Variants in PCDH7 observed in about 807,000 individuals in gnomAD.
PCDH7 encodes protocadherin-7.
Under a neutral mutation model 58.9 loss-of-function variants are expected in PCDH7, and 17 were observed. That is an observed-to-expected ratio of 0.29 (90% CI 0.20 to 0.43). The LOEUF is 0.43. PCDH7 is among the 20% of genes least tolerant of loss of function. The pLI, the probability that PCDH7 is intolerant of heterozygous loss-of-function variation, is 1.00. For missense variants in PCDH7, 1,274 were observed against 1,441.0 expected (o/e 0.88, Z 1.88); for synonymous variants, 664 against 616.4 (o/e 1.08, Z -1.14).
chr4:31,042,616 G>A (rs1436830955), intron 3 of PCDH7, among the ~76,000 whole-genome samples: 1 of 152,020 alleles, frequency 6.6e-6, no homozygotes, highest in Non-Finnish European at 1.5e-5. Flanking sequence ...ATTAGATATC[G>A]AAGTCAAACT....
intron 3 of PCDH7, among the ~76,000 whole-genome samples, chr4:31,096,912 T>C (rs892362109): frequency 3.3e-5 from 3 of 91,394 alleles, no homozygotes; most frequent in African/African-American, 1.8e-4. Context: ...ATTCCTTGTT[T>C]GTGTGTGTGT....
chr4:30,783,124 C>T (rs1723000809), intron 1 of PCDH7: 1 of 152,120 alleles, frequency 6.6e-6, no homozygotes, highest in African/African-American at 2.4e-5. Context: ...TCATAGTCCT[C>T]CACTTTCCTA....
downstream of PCDH7, among the ~76,000 whole-genome samples, chr4:30,736,538 T>TA (rs112519992): frequency 0.032 from 3,620 of 114,560 alleles, 144 homozygotes; most frequent in African/African-American, 0.088. Flanking sequence ...TTCATTTATT[T>TA]TTTTTTTTTT....
chr4:30,768,337 C>CATACATCTTCCAAGTAGTA (rs1721003169), intron 1 of PCDH7, among the ~76,000 whole-genome samples: 1 of 152,182 alleles, frequency 6.6e-6, no homozygotes, highest in South Asian at 2.1e-4. Flanking sequence ...AAGTAGTATG[C>CATACATCTTCCAAGTAGTA]TTTCACTTGC....
At chr4:30,872,012 C>T (rs1345802831) in intron 1 of PCDH7, among the ~76,000 whole-genome samples, 1 of 152,076 alleles carries the variant, frequency 6.6e-6, no homozygotes, top group Non-Finnish European at 1.5e-5. Flanking sequence ...ATCAGTAAAT[C>T]TCCTCTGGCC....
intron 3 of PCDH7, among the ~76,000 whole-genome samples, chr4:31,005,874 G>C (rs2109144170): frequency 6.6e-6 from 1 of 152,284 alleles, no homozygotes; most frequent in South Asian, 2.1e-4. Flanking sequence ...GGATGGTGCT[G>C]ATACAGAGTA....
chr4:30,811,448 G>A (rs1390962287), intron 1 of PCDH7, among the ~76,000 whole-genome samples: 18 of 152,108 alleles, frequency 1.2e-4, no homozygotes, highest in Admixed American at 1.2e-3. Context: ...AATTATTAAG[G>A]GCTGTTCTTT....
At chr4:30,760,706 C>G (rs1303974362) in intron 1 of PCDH7, among the ~76,000 whole-genome samples, 1 of 152,098 alleles carries the variant, frequency 6.6e-6, no homozygotes, top group Non-Finnish European at 1.5e-5. Flanking sequence ...TTTCATTATG[C>G]CATGTCATTT....
At chr4:30,828,632 CA>C (rs34052224) in intron 1 of PCDH7, among the ~76,000 whole-genome samples, 1 of 151,700 alleles carries the variant, frequency 6.6e-6, no homozygotes, top group Admixed American at 6.6e-5. Flanking sequence ...CTCTTGTGTG[CA>C]AAAAAACATA....
intron 1 of PCDH7, among the ~76,000 whole-genome samples, chr4:30,893,426 C>T (rs1167671353): frequency 6.6e-6 from 1 of 152,028 alleles, no homozygotes; most frequent in Admixed American, 6.6e-5. Context: ...GATTAAATTT[C>T]AAAGTATCAC....
intron 1 of PCDH7, among the ~76,000 whole-genome samples, chr4:30,901,379 C>G (rs550347005): frequency 6.8e-4 from 104 of 152,124 alleles, no homozygotes; most frequent in African/African-American, 2.5e-3. Flanking sequence ...CCCTAGCAGC[C>G]AAGGCAGATT....
chr4:30,797,081 C>A (rs981162917), intron 1 of PCDH7, among the ~76,000 whole-genome samples: 3 of 152,114 alleles, frequency 2.0e-5, no homozygotes, highest in African/African-American at 7.2e-5. Flanking sequence ...GTGCTTCAGC[C>A]TCCCAAGTAG....
In PCDH7 at chr4:30,920,893, T is replaced by C. The variant is rs200337222; in HGVS notation, c.287+524T>C. Among the ~76,000 whole-genome samples the C allele has an allele frequency of 2.0e-5, 3 of 152,262 alleles. No individual in the cohort carries two copies. The East Asian group carries it at 5.8e-4, about 29-fold the overall frequency. ...AACAGTACTACTTTGTTCTCCATAGTATGCAATAAATGCTATTAGAATTTC... is the reference window on the plus strand; with the variant it reads ...AACAGTACTACTTTGTTCTCCATAGCATGCAATAAATGCTATTAGAATTTC... On this transcript the variant is annotated intron_variant, in intron 2 of 3. Coordinates refer to the PCDH7 transcript ENST00000509759.
intron 1 of PCDH7, chr4:30,725,083 T>C (rs1477470857): frequency 6.0e-6 from 6 of 1,001,496 alleles, no homozygotes; most frequent in Non-Finnish European, 7.2e-6. Context: ...TACAGATAAA[T>C]AGATGCTGAT....
intron 2 of PCDH7, among the ~76,000 whole-genome samples, chr4:30,928,648 G>A (rs1744193008): frequency 6.6e-6 from 1 of 152,092 alleles, no homozygotes; most frequent in Non-Finnish European, 1.5e-5. Context: ...AGGAGGGAAT[G>A]GAAAATTATA....
intron 2 of PCDH7, among the ~76,000 whole-genome samples, chr4:30,947,282 C>A (rs1462888649): frequency 6.6e-6 from 1 of 151,980 alleles, no homozygotes; most frequent in African/African-American, 2.4e-5. Flanking sequence ...TGATTCCTGT[C>A]GTTTTGGGAA....
chr4:31,004,265 A>G (rs1374497901), intron 3 of PCDH7, among the ~76,000 whole-genome samples: 1 of 152,118 alleles, frequency 6.6e-6, no homozygotes, highest in East Asian at 1.9e-4. Context: ...ACAGAGAGAG[A>G]AATACGAAAC....
intron 3 of PCDH7, among the ~76,000 whole-genome samples, chr4:31,066,380 CA>C (rs1404894189): frequency 6.6e-6 from 1 of 151,630 alleles, no homozygotes; most frequent in Non-Finnish European, 1.5e-5. Flanking sequence ...ACCCCTCCTT[CA>C]AAAAAAGACT....
chr4:30,843,348 T>C (rs567742504), intron 1 of PCDH7, among the ~76,000 whole-genome samples: 13 of 152,158 alleles, frequency 8.5e-5, no homozygotes, highest in African/African-American at 3.1e-4. Flanking sequence ...ACTACAGTTG[T>C]GCGCCCTGCT....
Sources: allele counts gnomAD v4.1 joint callset (sites outside exome capture counted in the v4.1 genomes callset), GRCh38; gene constraint gnomAD v4.1.1; transcripts MANE v1.5; gene names NCBI Gene and HGNC (gene_info 2026-07-23, HGNC 2026-07-21).